Variants in RICTOR observed in about 807,000 individuals in gnomAD.
RICTOR encodes the protein RPTOR independent companion of MTOR complex 2.
RICTOR carries 49 observed loss-of-function variants against 214.9 expected under a neutral mutation model. The ratio of observed to expected loss-of-function variants is 0.23; its 90% CI spans 0.18 to 0.29. The LOEUF is 0.29. RICTOR is among the 10% of genes least tolerant of loss of function. The pLI is 1.00. For synonymous variants in RICTOR, 717 were observed against 711.3 expected (o/e 1.01, Z -0.13); for missense variants, 1,625 against 2,047.0 (o/e 0.79, Z 3.98).
In RICTOR at chr5:38,961,977, T is replaced by G. The variant is rs186644648; in HGVS notation, c.1715+338A>C. On this transcript the variant is annotated intron_variant, in intron 19 of 37. Coordinates refer to ENST00000357387, the MANE Select transcript of RICTOR (RefSeq NM_152756.5). ...TCCAAAGTCAAACAGGAATAAAAGT[T>G]GTATATTAAAAATATAAGTCCTTAT... Among the ~76,000 whole-genome samples, 53 of 152,178 alleles carry G rather than the reference T, an allele frequency of 3.5e-4. No homozygotes were observed. In the East Asian group the frequency reaches 0.01, roughly 29 times the overall value.
intron 2 of RICTOR, among the ~76,000 whole-genome samples, chr5:39,037,213 G>A (rs1006438256): frequency 7.2e-5 from 11 of 152,276 alleles, no homozygotes; most frequent in Middle Eastern, 3.4e-3. Context: ...GCTCCTGAAT[G>A]ACTACTGGGT....
rs1404366047 is a variant in RICTOR at position 38,990,676 on chromosome 5, A to ATATATCT, written c.583+272_583+273insAGATATA. ...ATATGATATATATCAGATATATATC[A>ATATATCT]GATATATCATATATATGATATATAT... is the stretch of plus-strand genomic sequence containing the variant. On this transcript the variant is annotated intron_variant, in intron 7 of 37. Coordinates refer to ENST00000357387, the MANE Select transcript of RICTOR (RefSeq NM_152756.5). Among the ~76,000 whole-genome samples the ATATATCT allele has an allele frequency of 3.0e-5, 3 of 100,062 alleles. 1 individual carries two copies. The highest frequency in any genetic ancestry group is 4.0e-5 in the African/African-American group (1 of 24,774). 65.6% of individuals were successfully genotyped at this position (100,062 alleles called of 152,430 possible).
chr5:38,991,739 TAAAGA>T (rs1752790011), intron 6 of RICTOR, among the ~76,000 whole-genome samples: 1 of 152,144 alleles, frequency 6.6e-6, no homozygotes, highest in Admixed American at 6.5e-5. Context: ...AATCTCACAT[TAAAGA>T]TCTAACTGGC....
chr5:38,952,364 A>G lies in RICTOR; in HGVS notation c.2959T>C (p.Cys987Arg). The change falls in exon 30 of 38, where the codon TGT (cysteine) becomes CGT (arginine). Residue 987 changes from cysteine to arginine, a missense_variant. Cys to Arg is a radical substitution (Grantham distance 180). Coordinates refer to ENST00000357387, the MANE Select transcript of RICTOR (RefSeq NM_152756.5). ...KTKQGCDILK[C>R]HNWDAVRHSR... ...TGCCTCACAGCATCCCAGTTGTGAC[A>G]TTTTAGAATATCACAGCCTTGTTTG... The G allele has an allele frequency of 6.2e-7, 1 of 1,613,040 alleles. No homozygotes were observed. The highest frequency in any genetic ancestry group is 1.1e-5 in the South Asian group (1 of 91,064).
At chr5:39,021,401 G>A (rs917994571) in intron 2 of RICTOR, among the ~76,000 whole-genome samples, 3 of 152,118 alleles carry the variant, frequency 2.0e-5, no homozygotes, top group Non-Finnish European at 4.4e-5. Context: ...GCTATTATTT[G>A]AATGTGTTCC....
intron 7 of RICTOR, among the ~76,000 whole-genome samples, chr5:38,985,486 T>C (rs1357731744): frequency 6.6e-6 from 1 of 152,218 alleles, no homozygotes; most frequent in East Asian, 1.9e-4. Flanking sequence ...ATTTTACTTG[T>C]TACATTTACC....
chr5:38,944,097 T>A (rs1747908079), intron 36 of RICTOR: 1 of 382,422 alleles, frequency 2.6e-6, no homozygotes, highest in South Asian at 2.0e-5. Flanking sequence ...TAATTTATTT[T>A]AAAAATAAAT....
At chr5:39,016,779 G>C (rs1011654998) in intron 3 of RICTOR, among the ~76,000 whole-genome samples, 3 of 152,128 alleles carry the variant, frequency 2.0e-5, no homozygotes, top group African/African-American at 7.2e-5. Context: ...AATGTGGTTA[G>C]TAGATACTAG....
Position 38,958,868 on chromosome 5 carries a change from A to G in RICTOR, c.2179-37T>C, listed in dbSNP as rs2150015091. On this transcript the variant is annotated intron_variant, in intron 22 of 37. Coordinates refer to ENST00000357387, the MANE Select transcript of RICTOR (RefSeq NM_152756.5). ...AATGAATACATTAAAAAAAAAAAAA[A>G]CTTCAGCATAAATAGCCTATTTGAT... 6.9e-6 allele frequency: 9 copies of G among 1,309,744 alleles called. No homozygotes were observed. The African/African-American group carries it at 7.7e-5, about 11-fold the overall frequency. 81.1% of individuals were successfully genotyped at this position (1,309,744 alleles called of 1,614,324 possible).
At position 38,941,505 on chromosome 5, in the gene RICTOR, G is replaced by C; in HGVS notation, c.*799C>G. The C allele has an allele frequency of 4.3e-6, 1 of 231,450 alleles. No individual in the cohort carries two copies. Among genetic ancestry groups the C allele is most frequent in the Non-Finnish European group, 8.6e-6 (1 of 116,692 alleles). The allele number at this position is 231,450 out of a possible 1,614,324, so 14.3% of individuals were successfully genotyped here. A position where few individuals can be genotyped will look rare whatever the true frequency, so the allele number is the denominator to read the frequency against. The stretch of plus-strand genomic sequence containing the variant: ...ATGAGATGGAAAGTTGATGAAAGTG[G>C]AAGTCCATTGCAAATATATGCATTC... On this transcript the variant is annotated 3_prime_UTR_variant, in exon 38 of 38. Transcript: ENST00000357387.
chr5:39,010,493 C>A (rs1754422633), intron 3 of RICTOR, among the ~76,000 whole-genome samples: 1 of 152,078 alleles, frequency 6.6e-6, no homozygotes, highest in Non-Finnish European at 1.5e-5. Context: ...CAGGCAGAGG[C>A]TGGAACAGTT....
intron 6 of RICTOR, among the ~76,000 whole-genome samples, chr5:38,994,869 G>A (rs532083935): frequency 3.3e-5 from 5 of 152,234 alleles, no homozygotes; most frequent in South Asian, 2.1e-4. Context: ...TCTCTAAAGC[G>A]GTTATGCTCA....
At chr5:39,057,826 G>A (rs903931965) in intron 2 of RICTOR, among the ~76,000 whole-genome samples, 2 of 152,034 alleles carry the variant, frequency 1.3e-5, no homozygotes, top group Admixed American at 6.5e-5. Flanking sequence ...CTTCCAAAGA[G>A]TGTATGTATA....
At chr5:39,047,294 A>G (rs118046870) in intron 2 of RICTOR, among the ~76,000 whole-genome samples, 1 of 152,156 alleles carries the variant, frequency 6.6e-6, no homozygotes, top group Non-Finnish European at 1.5e-5. Flanking sequence ...TCAGATCATC[A>G]GGCATTAGAT....
intron 34 of RICTOR, chr5:38,945,289 G>T: frequency 1.6e-6 from 1 of 607,770 alleles, no homozygotes; most frequent in Non-Finnish European, 2.9e-6. Context: ...CTAATCCAGG[G>T]ATCTGTCAGA....
intron 2 of RICTOR, among the ~76,000 whole-genome samples, chr5:39,059,480 A>C (rs892596569): frequency 6.6e-6 from 1 of 152,140 alleles, no homozygotes; most frequent in Admixed American, 6.5e-5. Flanking sequence ...TCAGAATTGT[A>C]CATTTATAAC....
chr5:38,988,240 C>G (rs1371194354), intron 7 of RICTOR, among the ~76,000 whole-genome samples: 1 of 152,082 alleles, frequency 6.6e-6, no homozygotes, highest in African/African-American at 2.4e-5. Context: ...GAGCTAAGTC[C>G]TGAATATCCT....
At chr5:38,983,755 A>G (rs1751919679) in intron 7 of RICTOR, among the ~76,000 whole-genome samples, 1 of 152,038 alleles carries the variant, frequency 6.6e-6, no homozygotes, top group Non-Finnish European at 1.5e-5. Context: ...CGAGGTCAAG[A>G]GATCGAGACA....
At position 38,941,784 on chromosome 5, in the gene RICTOR, T is replaced by G; in HGVS notation, c.*520A>C. 4.3e-6 allele frequency: 1 copy of G among 232,928 alleles called. No individual in the cohort carries two copies. Among genetic ancestry groups the G allele is most frequent in the Non-Finnish European group, 8.5e-6 (1 of 117,628 alleles). The allele number at this position is 232,928 out of a possible 1,614,324, so 14.4% of individuals were successfully genotyped here. On this transcript the variant is annotated 3_prime_UTR_variant, in exon 38 of 38. Transcript: ENST00000357387. ...AGTGTTACAAACATTAAGAAAAACG[T>G]GAAAGGGCCAAAGTTCCCTCTCTAA... is the stretch of plus-strand genomic sequence containing the variant.
Sources: gnomAD v4.1 joint callset for allele counts (sites outside exome capture counted in the v4.1 genomes callset) on GRCh38, gnomAD v4.1.1 for gene constraint, MANE v1.5 for transcripts, NCBI Gene and HGNC (gene_info 2026-07-23, HGNC 2026-07-21) for gene names.